Variants in OR7E24 observed in about 807,000 individuals in gnomAD.
OR7E24 encodes olfactory receptor 7E24.
For synonymous variants in OR7E24, 130 were observed against 157.5 expected (o/e 0.83, Z 1.31); for missense variants, 385 against 410.3 (o/e 0.94, Z 0.53).
At chr19:9,210,629 T>G in the OR7E24 span, 1 of 151,700 alleles carries the variant, frequency 6.6e-6, no homozygotes, top group Non-Finnish European at 1.5e-5. Context: ...TTTTATCTAC[T>G]TGAATAAAGA....
chr19:9,251,682 T>C lies in OR7E24; in HGVS notation c.639T>C (p.Asn213=). ...TTAGGTGTTCCGACACCTTCATCAA[T>C]GAAATGGTCATATATTTCATGGGTG... The part of the protein sequence containing the change: ...LHLRCSDTFI[N]EMVIYFMGAI... Residue 213 remains asparagine (N), a synonymous_variant, in exon 1 of 1, where the codon AAT becomes AAC. Transcript: ENST00000456448. The C allele has an allele frequency of 6.2e-7, 1 of 1,613,858 alleles. No individual in the cohort carries two copies. Among genetic ancestry groups the C allele is most frequent in the African/African-American group, 1.3e-5 (1 of 75,044 alleles).
At chr19:9,225,681 T>C in the OR7E24 span, among the ~76,000 whole-genome samples, 9 of 152,036 alleles carry the variant, frequency 5.9e-5, no homozygotes, top group African/African-American at 2.2e-4. Flanking sequence ...AAGGAAACCA[T>C]GGGGAATGCC....
the OR7E24 span, chr19:9,235,316 C>G: frequency 7.9e-7 from 1 of 1,258,150 alleles, no homozygotes; most frequent in South Asian, 1.2e-5. Context: ...CTCCACAGCC[C>G]CATGTAATTC....
chr19:9,225,816 T>G, the OR7E24 span, among the ~76,000 whole-genome samples: 1 of 152,166 alleles, frequency 6.6e-6, no homozygotes, highest in Non-Finnish European at 1.5e-5. Flanking sequence ...GCATAAGGAG[T>G]GTAGCCATAT....
the OR7E24 span, among the ~76,000 whole-genome samples, chr19:9,225,231 G>A: frequency 6.6e-6 from 1 of 151,914 alleles, no homozygotes; most frequent in South Asian, 2.1e-4. Flanking sequence ...TTAGCCAGAT[G>A]TGATGGCACA....
the OR7E24 span, chr19:9,235,341 G>A: frequency 7.4e-7 from 1 of 1,349,170 alleles, no homozygotes; most frequent in Non-Finnish European, 1.1e-6. Flanking sequence ...TCTCCAACTT[G>A]TCCTTTGTGG....
At chr19:9,214,859 GA>G in the OR7E24 span, 1 of 1,518,900 alleles carries the variant, frequency 6.6e-7, no homozygotes. Context: ...GTCTGCTGGG[GA>G]AGGAGGAAAA....
At position 9,252,200 on chromosome 19, in the gene OR7E24, A is replaced by G. The variant is rs2144946591; in HGVS notation, c.*137A>G. 4.5e-6 allele frequency: 3 copies of G among 660,216 alleles called. No homozygotes were observed. The highest frequency in any genetic ancestry group is 2.9e-5 in the Admixed American group (1 of 34,476). The allele number at this position is 660,216 out of a possible 1,614,324, so 40.9% of individuals were successfully genotyped here. ...TTGCTTTGTTTTGTCTTTAATTGCA[A>G]TGGGTGAGTATTCTGGTATCCTTTG... On this transcript the variant is annotated 3_prime_UTR_variant, in exon 1 of 1. Coordinates refer to ENST00000456448, the MANE Select transcript of OR7E24 (RefSeq NM_001079935.2).
At chr19:9,216,157 C>T in the OR7E24 span, among the ~76,000 whole-genome samples, 1 of 152,170 alleles carries the variant, frequency 6.6e-6, no homozygotes, top group Non-Finnish European at 1.5e-5. Context: ...GGGTCCCTCC[C>T]ATTACACATG....
upstream of OR7E24, among the ~76,000 whole-genome samples, chr19:9,247,872 T>G (rs1199332259): frequency 1.3e-5 from 2 of 152,206 alleles, no homozygotes; most frequent in African/African-American, 4.8e-5. Context: ...ATGTTGAATA[T>G]CACTTTGTAT....
chr19:9,241,314 C>T, the OR7E24 span, among the ~76,000 whole-genome samples: 4 of 152,128 alleles, frequency 2.6e-5, no homozygotes, highest in South Asian at 6.2e-4. Flanking sequence ...TCAGAGAGAT[C>T]ATTGGGTTTA....
the OR7E24 span, among the ~76,000 whole-genome samples, chr19:9,228,045 G>A: frequency 1.3e-5 from 2 of 152,218 alleles, no homozygotes; most frequent in East Asian, 1.9e-4. Flanking sequence ...GAGCCACAGC[G>A]CCCGGCCAGA....
chr19:9,243,276 G>A (rs565211268), upstream of OR7E24, among the ~76,000 whole-genome samples: 1 of 151,866 alleles, frequency 6.6e-6, no homozygotes, highest in Non-Finnish European at 1.5e-5. Context: ...ATCAGCTGAG[G>A]GATCCACTTT....
the OR7E24 span, among the ~76,000 whole-genome samples, chr19:9,241,115 C>T: frequency 6.6e-6 from 1 of 152,190 alleles, no homozygotes; most frequent in East Asian, 1.9e-4. Context: ...TGCGCCAGGC[C>T]TGTTGATCTG....
chr19:9,214,000 T>C, the OR7E24 span: 1 of 1,614,070 alleles, frequency 6.2e-7, no homozygotes, highest in East Asian at 2.2e-5. Context: ...GGGGTGACCA[T>C]GGCGTACATC....
In OR7E24 at chr19:9,251,999, T is replaced by C; in HGVS notation, c.956T>C (p.Leu319Pro). ...AGGAACAAGGACATTCAAAGTGCCC[T>C]GTGCAGGCTGCATGGCAGAATCATC... is the stretch of plus-strand genomic sequence containing the variant. ...SLRNKDIQSA[L>P]CRLHGRIIKS... The change falls in exon 1 of 1, where the codon CTG becomes CCG. Residue 319 changes from leucine (L) to proline (P), a missense_variant. Coordinates refer to ENST00000456448, the MANE Select transcript of OR7E24 (RefSeq NM_001079935.2). 2 of 1,614,192 alleles carry C rather than the reference T, an allele frequency of 1.2e-6. No homozygotes were observed. Among genetic ancestry groups the C allele is most frequent in the Non-Finnish European group, 1.7e-6 (2 of 1,180,026 alleles).
the OR7E24 span, among the ~76,000 whole-genome samples, chr19:9,234,574 G>A: frequency 1.3e-5 from 2 of 152,190 alleles, no homozygotes; most frequent in Non-Finnish European, 1.5e-5. Context: ...AAAAGAGGAC[G>A]TGAATTGTTC....
the OR7E24 span, among the ~76,000 whole-genome samples, chr19:9,224,872 G>A: frequency 6.6e-6 from 1 of 152,168 alleles, no homozygotes; most frequent in Non-Finnish European, 1.5e-5. Flanking sequence ...AAGCATAGGG[G>A]TGTATGATGT....
upstream of OR7E24, among the ~76,000 whole-genome samples, chr19:9,246,357 C>T (rs2066129922): frequency 1.3e-5 from 2 of 151,916 alleles, no homozygotes; most frequent in East Asian, 3.9e-4. Flanking sequence ...CATGAGCCAC[C>T]GCGCCGGGCC....
Sources: gnomAD v4.1 joint callset for allele counts (sites outside exome capture counted in the v4.1 genomes callset) on GRCh38, gnomAD v4.1.1 for gene constraint, MANE v1.5 for transcripts, NCBI Gene and HGNC (gene_info 2026-07-23, HGNC 2026-07-21) for gene names.